The following NMU variants were observed in gnomAD, a reference collection of about 807,000 sequenced individuals.
NMU encodes neuromedin-U.
A neutral mutation model predicts 35.4 loss-of-function variants in NMU; 29 were observed. The ratio of observed to expected loss-of-function variants is 0.82; its 90% CI spans 0.61 to 1.12. NMU has a LOEUF of 1.12. NMU is among the 50% of genes most tolerant of loss of function. NMU has a pLI of 0.00. For synonymous variants in NMU, 78 were observed against 81.3 expected (o/e 0.96, Z 0.22); for missense variants, 199 against 206.2 (o/e 0.97, Z 0.21).
intron 3 of NMU, among the ~76,000 whole-genome samples, chr4:55,610,492 A>G (rs1733890236): frequency 6.6e-6 from 1 of 151,810 alleles, no homozygotes; most frequent in Admixed American, 6.6e-5. Context: ...AGACATATGA[A>G]AAGAATTGTT....
intron 3 of NMU, among the ~76,000 whole-genome samples, chr4:55,613,304 TA>T (rs1034282900): frequency 6.0e-5 from 9 of 150,524 alleles, no homozygotes; most frequent in South Asian, 2.1e-4. Context: ...AACCTAAAAT[TA>T]AAAAAAAAAT....
At chr4:55,634,781 T>A (rs1715807438) in intron 1 of NMU, among the ~76,000 whole-genome samples, 1 of 152,216 alleles carries the variant, frequency 6.6e-6, no homozygotes, top group East Asian at 1.9e-4. Flanking sequence ...GTATCACTAC[T>A]GGCTATGTGG....
intron 2 of NMU, among the ~76,000 whole-genome samples, chr4:55,627,250 C>CTT (rs5858341): frequency 6.8e-6 from 1 of 147,270 alleles, no homozygotes; most frequent in African/African-American, 2.5e-5. Context: ...ATTACCATGC[C>CTT]TTTTTTTTTT....
chr4:55,633,091 A>G (rs576616534), intron 1 of NMU, among the ~76,000 whole-genome samples: 51 of 152,024 alleles, frequency 3.4e-4, no homozygotes, highest in African/African-American at 1.0e-3. Flanking sequence ...TTGAGAGGCC[A>G]AGGCGGGCAT....
intron 2 of NMU, among the ~76,000 whole-genome samples, chr4:55,618,758 TTCTC>T (rs58664028): frequency 0.36 from 53,060 of 148,586 alleles, 9,826 homozygotes; most frequent in East Asian, 0.59. Context: ...TCTTTCTTTC[TTCTC>T]TCTCTTTCTT....
At chr4:55,625,531 A>G (rs1734490886) in intron 2 of NMU, among the ~76,000 whole-genome samples, 1 of 152,132 alleles carries the variant, frequency 6.6e-6, no homozygotes. Context: ...GGCACTTAGC[A>G]TCTATCTTAT....
chr4:55,635,226 G>T (rs559573219), intron 1 of NMU, among the ~76,000 whole-genome samples: 43 of 152,270 alleles, frequency 2.8e-4, no homozygotes, highest in Middle Eastern at 3.4e-3. Flanking sequence ...ACCTGCAAAC[G>T]TAAGCTGTAA....
intron 3 of NMU, 131 bp downstream of exon 3, chr4:55,616,207 C>T: frequency 2.8e-6 from 2 of 720,170 alleles, no homozygotes; most frequent in Non-Finnish European, 5.1e-6. Context: ...TTATTATCTA[C>T]AGCAAATGTA....
Position 55,636,182 on chromosome 4 carries a change from G to A in NMU, c.11C>T (p.Thr4Ile), listed in dbSNP as rs998682200. The A allele has an allele frequency of 1.3e-6, 2 of 1,500,028 alleles. No homozygotes were observed. The highest frequency in any genetic ancestry group is 2.5e-5 in the East Asian group (1 of 39,388). The allele number at this position is 1,500,028 out of a possible 1,614,324, so 92.9% of individuals were successfully genotyped here. Residue 4 changes from threonine to isoleucine, a missense_variant, in exon 1 of 10, where the codon ACA (threonine) becomes ATA (isoleucine). Transcript: ENST00000264218. The surrounding 1 kb of genome is among the most constrained non-coding windows in gnomAD (Gnocchi z 4.0). ...GGGCGACCTGGGGCGGCAGCTCTCTGTTCGCAGCATCTCGGCGGCTGCGGG... is the reference window on the plus strand; with the variant it reads ...GGGCGACCTGGGGCGGCAGCTCTCTATTCGCAGCATCTCGGCGGCTGCGGG... The part of the protein sequence containing the change: MLR[T>I]ESCRPRSPAG...
chr4:55,615,067 C>T (rs17725337), intron 3 of NMU, among the ~76,000 whole-genome samples: 7,017 of 152,240 alleles, frequency 0.046, 212 homozygotes, highest in South Asian at 0.082. Flanking sequence ...CTGGGCACCT[C>T]GGCCAAACTA....
upstream of NMU, chr4:55,636,463 A>G (rs1577970404): frequency 2.3e-6 from 1 of 426,598 alleles, no homozygotes; most frequent in Non-Finnish European, 4.1e-6. This position sits in a 1 kb window ranked among gnomAD's most constrained non-coding sequence, Gnocchi z 4.0. Flanking sequence ...CGAGCCCCCT[A>G]GCCTGAGTTT....
chr4:55,631,072 T>C lies in NMU; in HGVS notation c.113-612A>G, dbSNP rs188923263. On this transcript the variant is annotated intron_variant, in intron 1 of 9. Coordinates refer to ENST00000264218, the MANE Select transcript of NMU (RefSeq NM_006681.4). ...TTCAACAAGTATACAAAAACATAAA[T>C]TGGAGAAAGGACACCCTATTCAATA... Among the ~76,000 whole-genome samples, 108 of 152,080 alleles carry C rather than the reference T, an allele frequency of 7.1e-4. 2 individuals are homozygous for C. In the East Asian group the frequency reaches 0.014, roughly 19 times the overall value.
chr4:55,634,081 T>C (rs1382582803), intron 1 of NMU, among the ~76,000 whole-genome samples: 1 of 152,206 alleles, frequency 6.6e-6, no homozygotes, highest in Admixed American at 6.5e-5. Context: ...AGTGACACTT[T>C]TATTTTCCTC....
At chr4:55,609,291 G>T (rs1577944703) in intron 3 of NMU, 112 bp from the exon 4 acceptor site, 4 of 778,342 alleles carry the variant, frequency 5.1e-6, no homozygotes, top group African/African-American at 3.4e-5. Context: ...ACCTGGAAAA[G>T]AATCCTTCTG....
Position 55,606,681 on chromosome 4 carries a change from C to CTTT in NMU, c.360+614_360+616dup, listed in dbSNP as rs541449403. On this transcript the variant is annotated intron_variant, in intron 6 of 9. Coordinates refer to ENST00000264218, the MANE Select transcript of NMU (RefSeq NM_006681.4). ...AAAAGCAGGGATTTTTCTTTCTTTTCTTTTTTTTTTTTTTGAGACAGAGTA... is the reference window on the plus strand; with the variant it reads ...AAAAGCAGGGATTTTTCTTTCTTTTCTTTTTTTTTTTTTTTTTGAGACAGAGTA... Among the ~76,000 whole-genome samples, 45 of 139,960 alleles carry CTTT rather than the reference C, an allele frequency of 3.2e-4. 1 individual carries two copies. The highest frequency in any genetic ancestry group is 1.4e-3 in the South Asian group (6 of 4,426). The allele number at this position is 139,960 out of a possible 152,430, so 91.8% of individuals were successfully genotyped here. A position where few individuals can be genotyped will look rare whatever the true frequency, so the allele number is the denominator to read the frequency against.
intron 1 of NMU, among the ~76,000 whole-genome samples, chr4:55,634,007 G>T (rs937849244): frequency 3.3e-5 from 5 of 151,986 alleles, no homozygotes; most frequent in Non-Finnish European, 5.9e-5. Flanking sequence ...CTTTATCTTC[G>T]CATGGCCATT....
intron 2 of NMU, among the ~76,000 whole-genome samples, chr4:55,626,639 G>T (rs977466258): frequency 6.6e-6 from 1 of 152,072 alleles, no homozygotes; most frequent in Non-Finnish European, 1.5e-5. Context: ...CCCGAGGAGG[G>T]GGAGGTTGCA....
chr4:55,630,527 T>C, intron 1 of NMU, 67 bp from the exon 2 acceptor site: 3 of 1,230,366 alleles, frequency 2.4e-6, no homozygotes, highest in Non-Finnish European at 3.6e-6. Context: ...TATCCATATA[T>C]AATTCTTTCT....
intron 2 of NMU, among the ~76,000 whole-genome samples, chr4:55,619,159 G>C (rs553248300): frequency 2.6e-5 from 4 of 152,174 alleles, no homozygotes; most frequent in African/African-American, 9.6e-5. Context: ...GTTCAGGGAG[G>C]AGCCAAGATG....
Sources: allele counts gnomAD v4.1 joint callset (sites outside exome capture counted in the v4.1 genomes callset), GRCh38; gene constraint gnomAD v4.1.1; non-coding constraint Gnocchi (gnomAD v3.1); transcripts MANE v1.5; gene names NCBI Gene and HGNC (gene_info 2026-07-23, HGNC 2026-07-21).